The following BCAS4 variants were observed in gnomAD, a reference collection of about 807,000 sequenced individuals.
The protein encoded by BCAS4 is breast carcinoma-amplified sequence 4.
BCAS4 carries 9 observed loss-of-function variants against 15.7 expected under a neutral mutation model. The ratio of observed to expected loss-of-function variants is 0.57; its 90% confidence interval spans 0.34 to 1.00. The LOEUF (loss-of-function observed/expected upper bound fraction) is 1.00, where lower values mean the gene tolerates loss of function less well. BCAS4 is among the 50% of genes least tolerant of loss of function. BCAS4 has a pLI of 0.02. For synonymous variants in BCAS4, 101 were observed against 99.5 expected, an observed-to-expected ratio of 1.02 and a Z score of -0.09; for missense variants, 225 against 239.1, an observed-to-expected ratio of 0.94 and a Z score of 0.39.
intron 4 of BCAS4, among the ~76,000 whole-genome samples, chr20:50,842,477 C>T (rs924727489): frequency 3.9e-5 from 5 of 127,962 alleles, no homozygotes; most frequent in Non-Finnish European, 8.2e-5. Flanking sequence ...AGTGCAGTGG[C>T]GTGATCTCAG....
At chr20:50,870,120 T>A (rs948374610) in intron 4 of BCAS4, among the ~76,000 whole-genome samples, 1 of 152,182 alleles carries the variant, frequency 6.6e-6, no homozygotes, top group African/African-American at 2.4e-5. Context: ...ATGGCTGGAT[T>A]TATACTACCT....
chr20:50,862,432 G>A (rs957542580), intron 4 of BCAS4, among the ~76,000 whole-genome samples: 6 of 152,046 alleles, frequency 3.9e-5, no homozygotes, highest in Admixed American at 1.3e-4. Context: ...CACTCTCAGG[G>A]GCCTGGATGG....
At chr20:50,817,935 C>T (rs1041600552) in intron 1 of BCAS4, among the ~76,000 whole-genome samples, 3 of 151,978 alleles carry the variant, frequency 2.0e-5, no homozygotes, top group Admixed American at 1.3e-4. Flanking sequence ...GTGGAGGATA[C>T]GGGTAGCTTT....
At chr20:50,838,838 C>T (rs1328390485) in intron 3 of BCAS4, among the ~76,000 whole-genome samples, 1 of 151,856 alleles carries the variant, frequency 6.6e-6, no homozygotes, top group Non-Finnish European at 1.5e-5. Flanking sequence ...AGTGAGACTC[C>T]ATCTTAAAAA....
intron 2 of BCAS4, among the ~76,000 whole-genome samples, chr20:50,828,008 G>A (rs1448733019): frequency 1.3e-5 from 2 of 151,854 alleles, no homozygotes; most frequent in Admixed American, 6.6e-5. Flanking sequence ...GATTACAGGT[G>A]TAAGCCACTG....
intron 4 of BCAS4, among the ~76,000 whole-genome samples, chr20:50,866,356 T>C (rs1979357668): frequency 6.6e-6 from 1 of 152,170 alleles, no homozygotes; most frequent in Admixed American, 6.5e-5. Context: ...CACTGCCAGC[T>C]TGGATGCCCA....
chr20:50,832,964 T>C (rs545878070), intron 3 of BCAS4: 1 of 152,388 alleles, frequency 6.6e-6, no homozygotes, highest in East Asian at 1.9e-4. Flanking sequence ...GACATGAACA[T>C]CTTTGGGAGC....
At chr20:50,812,926 C>T (rs2088089473) in intron 1 of BCAS4, among the ~76,000 whole-genome samples, 1 of 152,062 alleles carries the variant, frequency 6.6e-6, no homozygotes, top group Non-Finnish European at 1.5e-5. Flanking sequence ...AGTGCTTTTC[C>T]CACCCCAGCC....
chr20:50,808,001 G>A (rs2088014511), intron 1 of BCAS4, among the ~76,000 whole-genome samples: 1 of 149,650 alleles, frequency 6.7e-6, no homozygotes, highest in South Asian at 2.1e-4. Context: ...TCCGCCTCCT[G>A]GGTTCACGCG....
At chr20:50,869,742 CTTTTTTTTT>C (rs55685532) in intron 4 of BCAS4, among the ~76,000 whole-genome samples, 1 of 77,640 alleles carries the variant, frequency 1.3e-5, no homozygotes, top group Non-Finnish European at 2.3e-5. Flanking sequence ...CCTGGCACTG[CTTTTTTTTT>C]TTTTTTTTTT....
chr20:50,840,955 G>A (rs1011108281), intron 3 of BCAS4: 4 of 518,240 alleles, frequency 7.7e-6, no homozygotes, highest in Admixed American at 3.2e-5. Context: ...TCAGCCTCCC[G>A]AGTAGCTGGG....
intron 3 of BCAS4, among the ~76,000 whole-genome samples, chr20:50,834,062 G>T (rs2088376550): frequency 6.6e-6 from 1 of 152,164 alleles, no homozygotes; most frequent in South Asian, 2.1e-4. Flanking sequence ...TCAAGGTCAG[G>T]AATGAGACGG....
In BCAS4 at chr20:50,856,117, T is replaced by C. The variant is rs1384150455; in HGVS notation, c.399+14217T>C. Among the ~76,000 whole-genome samples, 4 of 152,126 alleles carry C rather than the reference T, an allele frequency of 2.6e-5. No individual in the cohort carries two copies. In the East Asian group the frequency reaches 5.8e-4, roughly 22 times the overall value. ...TGGGCCCGGCAGGGGATGGCAGGTG[T>C]GATCGGTGTCAGAACGCAGGTTCTG... On this transcript the variant is annotated intron_variant, in intron 4 of 4. Transcript: ENST00000371608.
intron 2 of BCAS4, 97 bp from the exon 3 acceptor site, chr20:50,830,182 T>C: frequency 1.1e-6 from 1 of 938,486 alleles, no homozygotes; most frequent in Non-Finnish European, 1.7e-6. Flanking sequence ...ACCTCAGCCA[T>C]CATTGGGGTC....
In BCAS4 at chr20:50,795,098, C is replaced by T; in HGVS notation, c.15C>T (p.Asp5=). 1.3e-6 allele frequency: 2 copies of T among 1,504,516 alleles called. No individual in the cohort carries two copies. Among genetic ancestry groups the T allele is most frequent in the Non-Finnish European group, 1.8e-6 (2 of 1,127,808 alleles). 93.2% of individuals were successfully genotyped at this position (1,504,516 alleles called of 1,614,324 possible). A position where few individuals can be genotyped will look rare whatever the true frequency, so the allele number is the denominator to read the frequency against. MLLV[D]ADQPEPMRSG... is the part of the protein sequence containing the mutation. Reference sequence around the variant, plus strand: ...TCGCCCTCCTGATGCTGCTCGTGGACGCTGATCAGCCGGAGCCCATGCGCA... The same window carrying T: ...TCGCCCTCCTGATGCTGCTCGTGGATGCTGATCAGCCGGAGCCCATGCGCA... The change falls in exon 1 of 5, where the codon GAC becomes GAT. Residue 5 remains aspartate, a synonymous_variant. Transcript: ENST00000371608.
At chr20:50,875,086 A>G (rs1204189980) in intron 4 of BCAS4, among the ~76,000 whole-genome samples, 2 of 152,204 alleles carry the variant, frequency 1.3e-5, no homozygotes, top group African/African-American at 4.8e-5. Flanking sequence ...TGGACTCTGC[A>G]TGAGAATCAC....
At chr20:50,805,249 C>A (rs2087975896) in intron 1 of BCAS4, among the ~76,000 whole-genome samples, 1 of 152,154 alleles carries the variant, frequency 6.6e-6, no homozygotes, top group South Asian at 2.1e-4. Flanking sequence ...ATCTGTCATT[C>A]CCCAACCCCC....
intron 4 of BCAS4, among the ~76,000 whole-genome samples, chr20:50,859,296 C>A (rs1195787058): frequency 6.6e-6 from 1 of 152,136 alleles, no homozygotes; most frequent in Non-Finnish European, 1.5e-5. Context: ...GTGGAACCCA[C>A]GGATGTGGAG....
intron 3 of BCAS4, among the ~76,000 whole-genome samples, chr20:50,831,481 T>G (rs914248515): frequency 3.9e-5 from 6 of 152,094 alleles, no homozygotes; most frequent in African/African-American, 1.4e-4. Flanking sequence ...TCTCCAGTCT[T>G]CCACAGTCCC....
Sources: gnomAD v4.1 joint callset for allele counts (sites outside exome capture counted in the v4.1 genomes callset) on GRCh38, gnomAD v4.1.1 for gene constraint, MANE v1.5 for transcripts, NCBI Gene and HGNC (gene_info 2026-07-23, HGNC 2026-07-21) for gene names.